Variants in TMX3 observed in about 807,000 individuals in gnomAD.
TMX3 encodes protein disulfide-isomerase TMX3.
In TMX3, 40 loss-of-function variants were observed where a neutral mutation model predicts 64.4. The observed-to-expected ratio is 0.62, with a 90% confidence interval of 0.48 to 0.81. TMX3 has a LOEUF of 0.81. TMX3 is among the 30% of genes least tolerant of loss of function. The pLI, the probability that TMX3 is intolerant of heterozygous loss-of-function variation, is 0.00. For synonymous variants in TMX3, 189 were observed against 175.7 expected (o/e 1.08, Z -0.60); for missense variants, 497 against 534.5 (o/e 0.93, Z 0.69).
intron 7 of TMX3, 160 bp downstream of exon 7, chr18:68,697,772 G>A (rs1915242391): frequency 1.8e-6 from 1 of 547,840 alleles, no homozygotes; most frequent in East Asian, 2.9e-5. Flanking sequence ...ATGACAGAAG[G>A]TATAGAAGGA....
In TMX3 at chr18:68,711,468, G is replaced by C. The variant is rs9967380; in HGVS notation, c.102-65C>G. 0.011 allele frequency: 12,711 copies of C among 1,132,774 alleles called. 1,026 individuals are homozygous for C. The African/African-American group carries it at 0.17, about 16-fold the overall frequency. 70.2% of individuals were successfully genotyped at this position (1,132,774 alleles called of 1,614,324 possible). ...GTCCACTTTACAACTGTATAGTATA[G>C]GCAGAGATAATACATTGATAAATAT... is the stretch of plus-strand genomic sequence containing the variant. On this transcript the variant is annotated intron_variant, in intron 2 of 15. Transcript: ENST00000299608.
chr18:68,680,882 T>C, intron 14 of TMX3, 99 bp downstream of exon 14: 11 of 1,243,664 alleles, frequency 8.8e-6, no homozygotes, highest in Non-Finnish European at 1.2e-5. Context: ...CTCCGGGTGA[T>C]GGCCAACTAT....
chr18:68,700,468 G>A lies in TMX3; in HGVS notation c.329C>T (p.Ala110Val). 3 of 1,556,474 alleles carry A rather than the reference G, an allele frequency of 1.9e-6. No homozygotes were observed. Among genetic ancestry groups the A allele is most frequent in the Non-Finnish European group, 2.6e-6 (3 of 1,153,840 alleles). The change falls in exon 6 of 16, where the codon GCA becomes GTA. Residue 110 changes from alanine (A) to valine (V), a missense_variant. Physicochemically the swap from Ala to Val is moderately conservative, Grantham distance 64. Coordinates refer to ENST00000299608, the MANE Select transcript of TMX3 (RefSeq NM_019022.5). ...TGTTCGTGGTCCTCTATAATTATAT[G>A]CCAAGTCCCCTTTTAATCTTTAAAA... ...PTIKLLKGDL[A>V]YNYRGPRTKD... is the part of the protein sequence containing the mutation.
intron 4 of TMX3, among the ~76,000 whole-genome samples, chr18:68,708,264 A>C (rs2030927652): frequency 6.6e-6 from 1 of 152,116 alleles, no homozygotes; most frequent in Non-Finnish European, 1.5e-5. Context: ...TCAACGTTTC[A>C]TTTGGGTGAC....
intron 12 of TMX3, among the ~76,000 whole-genome samples, chr18:68,683,388 G>A (rs1913633153): frequency 6.6e-6 from 1 of 152,020 alleles, no homozygotes; most frequent in African/African-American, 2.4e-5. Context: ...TTCAGAATAG[G>A]AAAGAAATAA....
intron 8 of TMX3, among the ~76,000 whole-genome samples, chr18:68,694,985 A>C (rs12969286): frequency 0.027 from 4,118 of 152,248 alleles, 93 homozygotes; most frequent in Non-Finnish European, 0.043. Flanking sequence ...AAAAAAAAGA[A>C]AAGCTCCCTT....
Position 68,714,946 on chromosome 18 carries a change from G to T in TMX3, c.36C>A (p.Leu12=). 6.4e-7 allele frequency: 1 copy of T among 1,569,474 alleles called. No homozygotes were observed. Among genetic ancestry groups the T allele is most frequent in the East Asian group, 2.4e-5 (1 of 41,752 alleles). Residue 12 remains leucine (L), a synonymous_variant, in exon 1 of 16, where the codon CTC becomes CTA. Transcript: ENST00000299608. ...CTGAGCCCCCATTACCTGTGGCGCAGAGCCGCAGGGCCGTCCAACTCTTCC... is the reference window on the plus strand; with the variant it reads ...CTGAGCCCCCATTACCTGTGGCGCATAGCCGCAGGGCCGTCCAACTCTTCC... ...AAWKSWTALR[L]CATVVVLDMV...
intron 3 of TMX3, among the ~76,000 whole-genome samples, chr18:68,710,498 C>T (rs1372802627): frequency 1.3e-5 from 2 of 152,064 alleles, no homozygotes; most frequent in Non-Finnish European, 2.9e-5. Flanking sequence ...ATACAACATA[C>T]ACACCTAATT....
Position 68,683,500 on chromosome 18 carries a change from T to A in TMX3, c.849-519A>T, listed in dbSNP as rs536077829. On this transcript the variant is annotated intron_variant, in intron 12 of 15. Coordinates refer to ENST00000299608, the MANE Select transcript of TMX3 (RefSeq NM_019022.5). ...TATATGTATTTCCGATGCCATTTTT[T>A]ATTCAGTTATTCTTTTGAGTTTCTG... is the stretch of plus-strand genomic sequence containing the variant. Among the ~76,000 whole-genome samples, 343 of 152,290 alleles carry A rather than the reference T, an allele frequency of 2.3e-3. 3 individuals carry two copies. Among genetic ancestry groups the A allele is most frequent in the Non-Finnish European group, 7.6e-4 (52 of 67,976 alleles).
chr18:68,679,309 A>G (rs1049392936), intron 15 of TMX3, among the ~76,000 whole-genome samples, 154 bp downstream of exon 15: 10 of 152,162 alleles, frequency 6.6e-5, no homozygotes, highest in African/African-American at 2.2e-4. Flanking sequence ...TTTCCACCTA[A>G]TGAATATATT....
At chr18:68,692,528 C>T (rs1914625734) in intron 8 of TMX3, among the ~76,000 whole-genome samples, 1 of 152,058 alleles carries the variant, frequency 6.6e-6, no homozygotes, top group Admixed American at 6.6e-5. Context: ...CATAAATACC[C>T]GTTGTAAAGC....
intron 4 of TMX3, among the ~76,000 whole-genome samples, chr18:68,706,582 G>A (rs1236683264): frequency 1.3e-5 from 2 of 152,108 alleles, no homozygotes; most frequent in Admixed American, 6.6e-5. Context: ...ATTGCAGGTC[G>A]TCTACAGATT....
Position 68,684,444 on chromosome 18 carries a change from A to G in TMX3, c.778T>C (p.Ser260Pro). Residue 260 changes from serine to proline, a missense_variant, in exon 11 of 16, where the codon TCA becomes CCA. Coordinates refer to ENST00000299608, the MANE Select transcript of TMX3 (RefSeq NM_019022.5). ...ALAVIDEKNTSVEHTRLKSII... is the reference protein window; with the variant it reads ...ALAVIDEKNTPVEHTRLKSII... The stretch of plus-strand genomic sequence containing the variant: ...GCATTATACCTGGTATGTTCAACTG[A>G]TGTATTTTTCTCATCAATAACTGCA... 1 of 1,613,032 alleles carries G rather than the reference A, an allele frequency of 6.2e-7. No individual in the cohort carries two copies.
intron 7 of TMX3, chr18:68,697,517 A>G (rs1200478600): frequency 5.2e-6 from 2 of 387,656 alleles, no homozygotes; most frequent in African/African-American, 4.2e-5. Flanking sequence ...TTCTGCAAAT[A>G]AAGTTCATTA....
chr18:68,688,302 A>G (rs1914164293), intron 9 of TMX3: 1 of 152,206 alleles, frequency 6.6e-6, no homozygotes, highest in South Asian at 2.1e-4. Context: ...TCTTTATGAT[A>G]GTCTTCCTAG....
chr18:68,691,060 T>C (rs113867397), intron 9 of TMX3: 8 of 383,756 alleles, frequency 2.1e-5, no homozygotes, highest in African/African-American at 1.0e-4. Context: ...CAAAAACGCA[T>C]ATAATTTAAC....
At chr18:68,695,549 T>G (rs568756182) in intron 8 of TMX3, among the ~76,000 whole-genome samples, 137 of 152,302 alleles carry the variant, frequency 9.0e-4, no homozygotes, top group Non-Finnish European at 1.5e-3. Context: ...TTCTCCAAAA[T>G]TCCTCAAGTT....
chr18:68,700,763 C>G (rs2029976752), intron 5 of TMX3: 1 of 985,094 alleles, frequency 1.0e-6, no homozygotes, highest in Admixed American at 6.2e-5. Flanking sequence ...AAATAATCTA[C>G]ACATTCATGG....
intron 4 of TMX3, among the ~76,000 whole-genome samples, chr18:68,708,085 ATG>A (rs573845501): frequency 1.1e-4 from 16 of 151,068 alleles, no homozygotes; most frequent in African/African-American, 3.9e-4. Flanking sequence ...GTGTATATAT[ATG>A]TGTGTATATA....
Sources: allele counts gnomAD v4.1 joint callset (sites outside exome capture counted in the v4.1 genomes callset), GRCh38; gene constraint gnomAD v4.1.1; transcripts MANE v1.5; gene names NCBI Gene and HGNC (gene_info 2026-07-23, HGNC 2026-07-21).